TEX15: variants seen among roughly 807,000 people sequenced by gnomAD.
TEX15 encodes the protein testis expressed 15, meiosis and synapsis associated.
A neutral mutation model predicts 237.3 loss-of-function variants in TEX15; 171 were observed. The observed-to-expected ratio is 0.72, with a 90% CI of 0.64 to 0.82. The LOEUF (loss-of-function observed/expected upper bound fraction) is 0.82. Among genes scored for constraint, TEX15 ranks in the 40% least tolerant of loss-of-function variants. The pLI, the probability that TEX15 is intolerant of heterozygous loss-of-function variation, is 0.00. For missense variants in TEX15, 3,750 were observed against 3,646.5 expected (o/e 1.03, Z -0.73); for synonymous variants, 1,338 against 1,269.8 (o/e 1.05, Z -1.14).
chr8:30,866,269 A>G (rs975159650), intron 5 of TEX15, among the ~76,000 whole-genome samples: 2 of 151,876 alleles, frequency 1.3e-5, no homozygotes, highest in African/African-American at 4.8e-5. Context: ...AAAAAAAGGA[A>G]AGGAAAATGG....
chr8:30,904,625 T>G (rs974776922), intron 1 of TEX15, among the ~76,000 whole-genome samples: 22 of 152,314 alleles, frequency 1.4e-4, no homozygotes, highest in African/African-American at 5.3e-4. Flanking sequence ...CCTCCCCCTG[T>G]GAGTTGTTTT....
chr8:30,889,952 T>TATATATACGTATATATATATATATAC (rs1264779192), intron 2 of TEX15, among the ~76,000 whole-genome samples: 1 of 131,946 alleles, frequency 7.6e-6, no homozygotes, highest in African/African-American at 3.4e-5. Context: ...TATATATATA[T>TATATATACGTATATATATATATATAC]ACATATATAT....
In TEX15 at chr8:30,899,354, C is replaced by T. The variant is rs116898861; in HGVS notation, c.-85-537G>A. Among the ~76,000 whole-genome samples the T allele has an allele frequency of 5.0e-3, 768 of 152,172 alleles. 4 individuals are homozygous for T. The highest frequency in any genetic ancestry group is 8.7e-3 in the Non-Finnish European group (593 of 68,006). ...ACTCAGAAAGGTTAAGAAACTTATC[C>T]GAGGTAACCAAACTGGTAAGTTGGT... On this transcript the variant is annotated intron_variant, in intron 1 of 10. Transcript: ENST00000643185.
chr8:30,889,954 C>CATATATATATATATATATACGTATAT, intron 2 of TEX15, among the ~76,000 whole-genome samples: 1 of 110,078 alleles, frequency 9.1e-6, no homozygotes, highest in African/African-American at 4.5e-5. Context: ...TATATATATA[C>CATATATATATATATATATACGTATAT]ATATATATAT....
chr8:30,849,046 A>C lies in TEX15; in HGVS notation c.1121T>G (p.Val374Gly). The C allele has an allele frequency of 6.2e-7, 1 of 1,614,136 alleles. No individual in the cohort carries two copies. The highest frequency in any genetic ancestry group is 8.5e-7 in the Non-Finnish European group (1 of 1,180,006). Residue 374 changes from valine (V) to glycine (G), a missense_variant, in exon 8 of 11, where the codon GTA (valine) becomes GGA (glycine). By Grantham distance (109) the Val-to-Gly change is moderately radical. Coordinates refer to ENST00000643185, the MANE Select transcript of TEX15 (RefSeq NM_001350162.2). ...SLAEIRDTSQ[V>G]LAHDSDISLM... ...TGAAATGTCTGAATCATGTGCAAGT[A>C]CTTGAGAAGTGTCTCTAATTTCTGC...
chr8:30,901,172 A>C (rs2128779081), intron 1 of TEX15, among the ~76,000 whole-genome samples: 1 of 152,316 alleles, frequency 6.6e-6, no homozygotes, highest in East Asian at 1.9e-4. Flanking sequence ...ATGAAAAACC[A>C]AAATGGTCTT....
Position 30,842,603 on chromosome 8 carries a change from G to C in TEX15, c.7564C>G (p.Leu2522Val). 1 of 1,611,136 alleles carries C rather than the reference G, an allele frequency of 6.2e-7. No individual in the cohort carries two copies. Residue 2522 changes from leucine to valine, a missense_variant, in exon 8 of 11, where the codon CTG becomes GTG. Physicochemically the swap from Leu to Val is conservative, Grantham distance 32 (BLOSUM62 1). Coordinates refer to ENST00000643185, the MANE Select transcript of TEX15 (RefSeq NM_001350162.2). ...ETAVSELKKD[L>V]DIICKYNEAV... ...TCATTATATTTGCAGATAATATCCA[G>C]ATCTTTCTTAAGTTCGGAAACAGCA...
intron 4 of TEX15, among the ~76,000 whole-genome samples, chr8:30,872,876 G>A (rs988524286): frequency 7.9e-5 from 12 of 152,134 alleles, no homozygotes; most frequent in Admixed American, 7.9e-4. Flanking sequence ...GACTTTTAAA[G>A]TTTATAAAGT....
chr8:30,880,191 G>A (rs779535880), intron 3 of TEX15, among the ~76,000 whole-genome samples: 1 of 149,646 alleles, frequency 6.7e-6, no homozygotes. Flanking sequence ...ACCACGCCTA[G>A]CTAATTTTTT....
intron 3 of TEX15, among the ~76,000 whole-genome samples, chr8:30,885,754 C>A (rs1002872133): frequency 2.0e-5 from 3 of 152,160 alleles, no homozygotes; most frequent in African/African-American, 2.4e-5. Flanking sequence ...CTGAGTTCAA[C>A]TATGTCCTTA....
chr8:30,879,176 TG>T (rs969628564), intron 3 of TEX15, among the ~76,000 whole-genome samples: 3 of 152,294 alleles, frequency 2.0e-5, no homozygotes, highest in African/African-American at 7.2e-5. Flanking sequence ...ATGTTCCAGA[TG>T]TAAGTCCTTG....
intron 10 of TEX15, among the ~76,000 whole-genome samples, chr8:30,835,620 G>T (rs1007057865): frequency 1.3e-5 from 2 of 152,070 alleles, no homozygotes; most frequent in African/African-American, 4.8e-5. Context: ...TTAAAAGATG[G>T]TTATTTTTAT....
At chr8:30,891,741 C>G (rs1010950945) in intron 2 of TEX15, among the ~76,000 whole-genome samples, 1 of 152,058 alleles carries the variant, frequency 6.6e-6, no homozygotes, top group Non-Finnish European at 1.5e-5. Flanking sequence ...CCCAAAGTGC[C>G]TGTAGGCATA....
intron 1 of TEX15, 78 bp from the exon 2 acceptor site, chr8:30,898,895 A>T (rs1808956592): frequency 6.7e-6 from 1 of 149,222 alleles, no homozygotes; most frequent in Non-Finnish European, 1.5e-5. Flanking sequence ...TTATCTCTTC[A>T]TTGTCTTCTC....
Position 30,843,786 on chromosome 8 carries a change from A to G in TEX15, c.6381T>C (p.Tyr2127=). ...PRGFQQQSNF[Y]PGFQGRLKYN... is the part of the protein sequence containing the mutation. Reference sequence around the variant, plus strand: ...ATTTTAATCTTCCTTGGAAACCAGGATAGAAATTAGACTGCTGTTGAAATC... The same window carrying G: ...ATTTTAATCTTCCTTGGAAACCAGGGTAGAAATTAGACTGCTGTTGAAATC... Residue 2127 remains tyrosine (Y), a synonymous_variant, in exon 8 of 11, where the codon TAT becomes TAC. Coordinates refer to ENST00000643185, the MANE Select transcript of TEX15 (RefSeq NM_001350162.2). 6.2e-7 allele frequency: 1 copy of G among 1,613,556 alleles called. No individual in the cohort carries two copies. Among genetic ancestry groups the G allele is most frequent in the Non-Finnish European group, 8.5e-7 (1 of 1,179,654 alleles).
intron 5 of TEX15, among the ~76,000 whole-genome samples, chr8:30,862,341 G>T (rs531140969): frequency 6.6e-6 from 1 of 152,180 alleles, no homozygotes; most frequent in South Asian, 2.1e-4. Context: ...TTATGCAGCT[G>T]CTCAAAAGGA....
At chr8:30,891,715 C>T (rs1808799357) in intron 2 of TEX15, among the ~76,000 whole-genome samples, 1 of 152,162 alleles carries the variant, frequency 6.6e-6, no homozygotes, top group South Asian at 2.1e-4. Flanking sequence ...CTCAAGTGAT[C>T]TGCCCGCCTC....
At chr8:30,879,380 CAT>C (rs1370705506) in intron 3 of TEX15, among the ~76,000 whole-genome samples, 4 of 152,214 alleles carry the variant, frequency 2.6e-5, no homozygotes, top group Non-Finnish European at 4.4e-5. Flanking sequence ...GATGTTCTCT[CAT>C]GTTTTCTTCT....
rs1432099007 is a variant in TEX15, at chr8:30,845,755, T to C, written c.4412A>G (p.His1471Arg). The change falls in exon 8 of 11, where the codon CAT becomes CGT. Residue 1471 changes from histidine to arginine, a missense_variant. Physicochemically the swap from His to Arg is conservative, Grantham distance 29 (BLOSUM62 0). Coordinates refer to ENST00000643185, the MANE Select transcript of TEX15 (RefSeq NM_001350162.2). The stretch of plus-strand genomic sequence containing the variant: ...TTTATAAGACTTGTGCTTTGACACA[T>C]GGGTTAATGATTTAGAAATATCAGC... ...PKADISKSLT[H>R]VSKHKSYKTS... is the part of the protein sequence containing the mutation. The C allele has an allele frequency of 1.2e-6, 2 of 1,613,520 alleles. No homozygotes were observed. Among genetic ancestry groups the C allele is most frequent in the East Asian group, 2.2e-5 (1 of 44,882 alleles).
Sources: allele counts gnomAD v4.1 joint callset (sites outside exome capture counted in the v4.1 genomes callset), GRCh38; gene constraint gnomAD v4.1.1; transcripts MANE v1.5; gene names NCBI Gene and HGNC (gene_info 2026-07-23, HGNC 2026-07-21).